Variants in SLC4A1AP observed in about 807,000 individuals in gnomAD.
The protein encoded by SLC4A1AP is solute carrier family 4 member 1 adaptor protein.
Under a neutral mutation model 89.7 loss-of-function variants are expected in SLC4A1AP, and 64 were observed. The observed-to-expected ratio is 0.71, with a 90% CI of 0.58 to 0.88. The LOEUF (loss-of-function observed/expected upper bound fraction) is 0.88, where lower values mean the gene tolerates loss of function less well. Ranked by LOEUF, SLC4A1AP falls within the 40% of genes least tolerant of loss-of-function variation. SLC4A1AP has a pLI of 0.00. For synonymous variants in SLC4A1AP, 366 were observed against 353.3 expected, an observed-to-expected ratio of 1.04 and a Z score of -0.40; for missense variants, 931 against 965.0, an observed-to-expected ratio of 0.96 and a Z score of 0.47.
chr2:27,679,629 T>C (rs1675586408), intron 8 of SLC4A1AP, among the ~76,000 whole-genome samples: 1 of 151,816 alleles, frequency 6.6e-6, no homozygotes, highest in Non-Finnish European at 1.5e-5. Context: ...ATGGTGTAGA[T>C]ATACAATAGA....
chr2:27,688,678 C>T, intron 11 of SLC4A1AP, 22 bp from the exon 12 acceptor site: 1 of 1,539,896 alleles, frequency 6.5e-7, no homozygotes, highest in Non-Finnish European at 8.8e-7. Context: ...TAGCTATTGC[C>T]AGTTTTTTTT....
intron 5 of SLC4A1AP, among the ~76,000 whole-genome samples, chr2:27,673,127 A>G (rs1675452710): frequency 6.6e-6 from 1 of 152,124 alleles, no homozygotes; most frequent in Non-Finnish European, 1.5e-5. Flanking sequence ...TTAGTCCTCC[A>G]TAACCTTAGT....
intron 8 of SLC4A1AP, among the ~76,000 whole-genome samples, chr2:27,678,126 C>A: frequency 6.6e-6 from 1 of 152,152 alleles, no homozygotes. Context: ...AGAGGATTTT[C>A]TGAGAAAACT....
chr2:27,682,107 T>C (rs1473811093), intron 8 of SLC4A1AP, 141 bp from the exon 9 acceptor site: 3 of 592,504 alleles, frequency 5.1e-6, no homozygotes, highest in Non-Finnish European at 9.0e-6. Flanking sequence ...TGAATACCTC[T>C]TTCTTATTGT....
chr2:27,672,378 G>C (rs191027582), intron 5 of SLC4A1AP, among the ~76,000 whole-genome samples: 59 of 151,122 alleles, frequency 3.9e-4, no homozygotes, highest in Admixed American at 6.6e-4. Flanking sequence ...TCTCTATTTT[G>C]CCATCAAGGT....
intron 2 of SLC4A1AP, among the ~76,000 whole-genome samples, chr2:27,666,275 T>C (rs2148130008): frequency 6.7e-6 from 1 of 150,322 alleles, no homozygotes; most frequent in African/African-American, 2.5e-5. Context: ...TTGGGAAACT[T>C]AATTTTTTTT....
chr2:27,682,114 T>C lies in SLC4A1AP; in HGVS notation c.1764-134T>C, dbSNP rs1173008628. The C allele has an allele frequency of 1.3e-5, 8 of 600,802 alleles. No homozygotes were observed. The Admixed American group carries it at 2.6e-4, about 19-fold the overall frequency. The allele number at this position is 600,802 out of a possible 1,614,324, so 37.2% of individuals were successfully genotyped here. ...TGTTGGTCTGAATACCTCTTTCTTA[T>C]TGTTATATGCTTAGATATTCATTTT... is the stretch of plus-strand genomic sequence containing the variant. On this transcript the variant is annotated intron_variant, in intron 8 of 13. Transcript: ENST00000613058.
exon 1 of SLC4A1AP, chr2:27,663,962 C>T: frequency 1.2e-6 from 2 of 1,614,202 alleles, no homozygotes; most frequent in Middle Eastern, 1.6e-4. Flanking sequence ...CGCAAGACCT[C>T]AGTGGGGACT....
At chr2:27,671,921 G>T (rs1675432767) in intron 5 of SLC4A1AP, among the ~76,000 whole-genome samples, 1 of 152,108 alleles carries the variant, frequency 6.6e-6, no homozygotes, top group Non-Finnish European at 1.5e-5. Context: ...AATTATTGTA[G>T]CTTCACTCCT....
chr2:27,693,609 C>A lies in SLC4A1AP; in HGVS notation c.2272-76C>A, dbSNP rs532285939. ...CTGCTTAAGGAGGCTAACAATAGGA[C>A]CCCAATCCCTTCTGCAGTTGTAAGG... is the stretch of plus-strand genomic sequence containing the variant. On this transcript the variant is annotated intron_variant, in intron 12 of 13. Coordinates refer to ENST00000613058, the Ensembl canonical transcript of SLC4A1AP. 211 of 1,181,948 alleles carry A rather than the reference C, an allele frequency of 1.8e-4. 1 individual carries two copies. The South Asian group carries it at 2.1e-3, about 12-fold the overall frequency. 73.2% of individuals were successfully genotyped at this position (1,181,948 alleles called of 1,614,324 possible).
chr2:27,694,054 G>A (rs1278648697), intron 13 of SLC4A1AP, among the ~76,000 whole-genome samples: 1 of 151,974 alleles, frequency 6.6e-6, no homozygotes, highest in African/African-American at 2.4e-5. Flanking sequence ...GAATATATAC[G>A]GAAGTGTTTA....
chr2:27,676,487 T>A (rs928493029), intron 6 of SLC4A1AP, among the ~76,000 whole-genome samples: 3 of 152,220 alleles, frequency 2.0e-5, no homozygotes, highest in African/African-American at 7.2e-5. Flanking sequence ...CTGTGTTTTT[T>A]AATTCAGAAA....
At chr2:27,670,922 C>CTTTTTTTTTTT (rs34481114) in intron 5 of SLC4A1AP, among the ~76,000 whole-genome samples, 40 of 111,838 alleles carry the variant, frequency 3.6e-4, no homozygotes, top group Non-Finnish European at 4.7e-4. Flanking sequence ...CTTTTCTTTT[C>CTTTTTTTTTTT]TTTTTTTTTT....
intron 6 of SLC4A1AP, among the ~76,000 whole-genome samples, chr2:27,676,849 T>G (rs1391271769): frequency 1.4e-5 from 2 of 144,120 alleles, no homozygotes; most frequent in Non-Finnish European, 3.0e-5. Flanking sequence ...AAAAAAAAAC[T>G]ATTAACTCTG....
intron 12 of SLC4A1AP, among the ~76,000 whole-genome samples, chr2:27,690,978 G>T (rs1406797519): frequency 3.3e-5 from 5 of 151,958 alleles, no homozygotes; most frequent in African/African-American, 7.3e-5. Context: ...TGTTCACCAG[G>T]GATATTGGGC....
chr2:27,664,108 C>T (rs1487373343), exon 1 of SLC4A1AP: 1 of 1,614,044 alleles, frequency 6.2e-7, no homozygotes, highest in Non-Finnish European at 8.5e-7. Context: ...CCCGACATCC[C>T]TCCTCCTCAG....
chr2:27,673,446 T>C (rs184196046), intron 5 of SLC4A1AP, among the ~76,000 whole-genome samples: 226 of 87,694 alleles, frequency 2.6e-3, no homozygotes, highest in African/African-American at 5.0e-3. Flanking sequence ...CTCCCTCCCT[T>C]CCTTCCTTCC....
chr2:27,688,870 C>G, intron 12 of SLC4A1AP, 103 bp downstream of exon 12: 1 of 750,500 alleles, frequency 1.3e-6, no homozygotes, highest in Non-Finnish European at 2.1e-6. Flanking sequence ...TTCCCAGCAG[C>G]CTTATTCCCC....
chr2:27,667,260 TC>T lies in SLC4A1AP; in HGVS notation c.1022-6del. 6.2e-7 allele frequency: 1 copy of T among 1,603,452 alleles called. No homozygotes were observed. Among genetic ancestry groups the T allele is most frequent in the Non-Finnish European group, 8.5e-7 (1 of 1,176,120 alleles). ...GATTATCTTTTCTTTCTTTTCCATA[TC>T]CTGTAGGAGAAGATGCAGTAGAGGA... On this transcript the variant is annotated splice_region_variant and splice_polypyrimidine_tract_variant and intron_variant, in intron 2 of 13. Coordinates refer to ENST00000613058, the Ensembl canonical transcript of SLC4A1AP.
Sources: gnomAD v4.1 joint callset for allele counts (sites outside exome capture counted in the v4.1 genomes callset) on GRCh38, gnomAD v4.1.1 for gene constraint, MANE v1.5 for transcripts, NCBI Gene and HGNC (gene_info 2026-07-23, HGNC 2026-07-21) for gene names.